Variants in DOK5 observed in about 807,000 individuals in gnomAD.
DOK5 encodes the protein docking protein 5, also known as downstream of tyrosine kinase 5.
Under a neutral mutation model 43.3 loss-of-function variants are expected in DOK5, and 27 were observed. That is an observed-to-expected ratio of 0.62 (90% CI 0.46 to 0.86). DOK5 has a LOEUF of 0.86. Among genes scored for constraint, DOK5 ranks in the 40% least tolerant of loss-of-function variants. The pLI is 0.00. For missense variants in DOK5, 373 were observed against 392.9 expected (o/e 0.95, Z 0.43); for synonymous variants, 146 against 140.1 (o/e 1.04, Z -0.30).
At chr20:54,650,164 CAG>C (rs1979632698) in intron 7 of DOK5, among the ~76,000 whole-genome samples, 1 of 152,142 alleles carries the variant, frequency 6.6e-6, no homozygotes, top group Non-Finnish European at 1.5e-5. Context: ...GGGATTGATG[CAG>C]ATGAAAAATT....
chr20:54,556,536 A>C (rs1413920316), intron 2 of DOK5, among the ~76,000 whole-genome samples: 1 of 152,212 alleles, frequency 6.6e-6, no homozygotes, highest in Non-Finnish European at 1.5e-5. Context: ...ATTATGGCCC[A>C]GTTATCCCTC....
At chr20:54,551,344 T>A (rs1010043375) in intron 1 of DOK5, among the ~76,000 whole-genome samples, 3 of 152,196 alleles carry the variant, frequency 2.0e-5, no homozygotes, top group Non-Finnish European at 2.9e-5. Context: ...TCTTCCAGTC[T>A]CTCACTTGTC....
At chr20:54,645,553 G>GCTCACCTCCAGGT (rs1175827266) in intron 7 of DOK5, among the ~76,000 whole-genome samples, 8 of 152,020 alleles carry the variant, frequency 5.3e-5, no homozygotes, top group African/African-American at 7.2e-5. Flanking sequence ...GTTAACTCCT[G>GCTCACCTCCAGGT]CTCACCTCCA....
In DOK5 at chr20:54,645,925, C is replaced by CAAAAAAAAAAAAAAAAAAAAAAAAAAAA. The variant is rs550943378; in HGVS notation, c.856+2351_856+2378dup. On this transcript the variant is annotated intron_variant, in intron 7 of 7. Transcript: ENST00000262593. ...AGAGCATGGCACATAGCAGATGCTG[C>CAAAAAAAAAAAAAAAAAAAAAAAAAAAA]AAAAAAAAAAAAAAAAAAAAAAAAA... Among the ~76,000 whole-genome samples, 7 of 85,878 alleles carry CAAAAAAAAAAAAAAAAAAAAAAAAAAAA rather than the reference C, an allele frequency of 8.2e-5. 1 individual carries two copies. Among genetic ancestry groups the CAAAAAAAAAAAAAAAAAAAAAAAAAAAA allele is most frequent in the African/African-American group, 2.6e-4 (6 of 23,152 alleles). The allele number at this position is 85,878 out of a possible 152,430, so 56.3% of individuals were successfully genotyped here. A position where few individuals can be genotyped will look rare whatever the true frequency, so the allele number is the denominator to read the frequency against.
intron 6 of DOK5, among the ~76,000 whole-genome samples, chr20:54,624,980 C>T (rs537291930): frequency 6.6e-6 from 1 of 152,060 alleles, no homozygotes; most frequent in Non-Finnish European, 1.5e-5. Flanking sequence ...AGCAGGAAAG[C>T]GGTCTTTCTT....
chr20:54,619,580 A>C (rs1875049175), intron 6 of DOK5, among the ~76,000 whole-genome samples: 1 of 152,044 alleles, frequency 6.6e-6, no homozygotes, highest in African/African-American at 2.4e-5. Flanking sequence ...ACTGAGGGGG[A>C]CGTTCAGGCC....
chr20:54,554,223 T>C (rs144197190), intron 1 of DOK5, among the ~76,000 whole-genome samples: 142 of 152,288 alleles, frequency 9.3e-4, no homozygotes, highest in African/African-American at 3.4e-3. Context: ...AATTGAAAGA[T>C]TGTGAAGAAC....
chr20:54,590,596 G>T (rs989115569), intron 4 of DOK5, among the ~76,000 whole-genome samples: 2 of 152,062 alleles, frequency 1.3e-5, no homozygotes, highest in Admixed American at 1.3e-4. Context: ...TTGAGAATAT[G>T]AAATAATTAA....
At chr20:54,479,066 C>A (rs141492284) in intron 1 of DOK5, among the ~76,000 whole-genome samples, 2 of 151,696 alleles carry the variant, frequency 1.3e-5, no homozygotes, top group East Asian at 1.9e-4. Flanking sequence ...ATATAATATA[C>A]GTATATTTAT....
At chr20:54,635,998 C>T (rs144686951) in intron 6 of DOK5, among the ~76,000 whole-genome samples, 21 of 152,300 alleles carry the variant, frequency 1.4e-4, no homozygotes, top group African/African-American at 4.6e-4. Context: ...TTGGAAAAGG[C>T]CTTCCTGTTG....
intron 1 of DOK5, among the ~76,000 whole-genome samples, chr20:54,481,071 C>G (rs1456916719): frequency 4.9e-5 from 6 of 122,254 alleles, no homozygotes; most frequent in African/African-American, 1.9e-4. Context: ...TATCTATCAT[C>G]TATCTATCTA....
chr20:54,512,874 G>C (rs967094546), intron 1 of DOK5, among the ~76,000 whole-genome samples: 1 of 152,144 alleles, frequency 6.6e-6, no homozygotes, highest in Admixed American at 6.5e-5. Context: ...AAACATTTGT[G>C]GGGGCCTAAG....
intron 1 of DOK5, among the ~76,000 whole-genome samples, chr20:54,478,270 G>A (rs543229801): frequency 5.1e-4 from 77 of 152,318 alleles, no homozygotes; most frequent in African/African-American, 1.8e-3. Flanking sequence ...TTTTAATGGA[G>A]GCTGCAAATA....
chr20:54,551,732 C>T (rs1984538295), intron 1 of DOK5, among the ~76,000 whole-genome samples: 1 of 152,140 alleles, frequency 6.6e-6, no homozygotes, highest in Admixed American at 6.5e-5. Flanking sequence ...GATTTAATAA[C>T]TGTGCAGGAT....
chr20:54,500,582 A>T (rs1271561798), intron 1 of DOK5, among the ~76,000 whole-genome samples: 46 of 114,154 alleles, frequency 4.0e-4, no homozygotes, highest in African/African-American at 1.8e-3. Flanking sequence ...TTTTTTTGAG[A>T]TGGAGTTTCA....
At chr20:54,504,016 C>A (rs550756665) in intron 1 of DOK5, among the ~76,000 whole-genome samples, 4 of 152,330 alleles carry the variant, frequency 2.6e-5, no homozygotes, top group Admixed American at 2.0e-4. Flanking sequence ...AGTTGCAGCC[C>A]AGCTGTTGTC....
chr20:54,536,916 GGA>G (rs1379227465), intron 1 of DOK5, among the ~76,000 whole-genome samples: 13 of 152,166 alleles, frequency 8.5e-5, no homozygotes, highest in African/African-American at 2.9e-4. Context: ...TGGTGTCTGC[GGA>G]GACCACATGG....
intron 2 of DOK5, among the ~76,000 whole-genome samples, chr20:54,577,566 G>C (rs1450202637): frequency 6.6e-6 from 1 of 152,220 alleles, no homozygotes; most frequent in Non-Finnish European, 1.5e-5. Flanking sequence ...AATGGGATTT[G>C]AGAGAAAACT....
chr20:54,640,824 T>C (rs1205473741), intron 6 of DOK5, among the ~76,000 whole-genome samples: 6 of 152,224 alleles, frequency 3.9e-5, no homozygotes, highest in Non-Finnish European at 8.8e-5. Context: ...GAAAATCAAA[T>C]AACCCCTACC....
Sources: gnomAD v4.1 joint callset for allele counts (sites outside exome capture counted in the v4.1 genomes callset) on GRCh38, gnomAD v4.1.1 for gene constraint, MANE v1.5 for transcripts, NCBI Gene and HGNC (gene_info 2026-07-23, HGNC 2026-07-21) for gene names.